The following PARD3B variants were observed in gnomAD, a reference collection of about 807,000 sequenced individuals.
The protein encoded by PARD3B is partitioning defective 3 homolog B.
In PARD3B, 103 loss-of-function variants were observed where a neutral mutation model predicts 130.2. The ratio of observed to expected loss-of-function variants is 0.79; its 90% CI spans 0.67 to 0.93. The LOEUF (loss-of-function observed/expected upper bound fraction) is 0.93, where lower values mean the gene tolerates loss of function less well. PARD3B is among the 40% of genes least tolerant of loss of function. The pLI is 0.00. For synonymous variants in PARD3B, 583 were observed against 553.2 expected (o/e 1.05, Z -0.76); for missense variants, 1,609 against 1,499.2 (o/e 1.07, Z -1.21).
chr2:205,105,293 T>A lies in PARD3B; in HGVS notation c.593+779T>A, dbSNP rs1322543259. 2.0e-5 allele frequency among the ~76,000 whole-genome samples: 3 copies of A among 152,136 alleles called. No individual in the cohort carries two copies. The highest frequency in any genetic ancestry group is 4.4e-5 in the Non-Finnish European group (3 of 67,940). ...GGTTAGGATAAATCCTGTGAGTGTT[T>A]GCTGCTGTTTCTACTACTATCATTA... On this transcript the variant is annotated intron_variant, in intron 5 of 22. Coordinates refer to ENST00000406610, the MANE Select transcript of PARD3B (RefSeq NM_001302769.2). The surrounding 1 kb of genome is among the most constrained non-coding windows in gnomAD (Gnocchi z 4.0).
Position 205,616,947 on chromosome 2 carries a change from A to G in PARD3B, c.*1134A>G, listed in dbSNP as rs900815113. On this transcript the variant is annotated 3_prime_UTR_variant, in exon 23 of 23. Transcript: ENST00000406610. ...TGTGTATGTGTGTGTTCGAACACATATGATTGCCAGTATGGAGAATGAAAG... is the reference window on the plus strand; with the variant it reads ...TGTGTATGTGTGTGTTCGAACACATGTGATTGCCAGTATGGAGAATGAAAG... The G allele has an allele frequency of 5.8e-5, 9 of 154,322 alleles. No individual in the cohort carries two copies. The highest frequency in any genetic ancestry group is 2.2e-4 in the African/African-American group (9 of 41,484). 9.6% of individuals were successfully genotyped at this position (154,322 alleles called of 1,614,324 possible).
intron 21 of PARD3B, among the ~76,000 whole-genome samples, chr2:205,540,670 A>G (rs1429503028): frequency 6.6e-6 from 1 of 152,110 alleles, no homozygotes; most frequent in Non-Finnish European, 1.5e-5. Flanking sequence ...TTCAGGATGC[A>G]AAAATCATTG....
chr2:204,838,785 TA>T (rs1157945017), intron 2 of PARD3B, among the ~76,000 whole-genome samples: 1 of 152,144 alleles, frequency 6.6e-6, no homozygotes, highest in Non-Finnish European at 1.5e-5. Context: ...ATTTGATCTT[TA>T]AAAGTATGAA....
intron 4 of PARD3B, among the ~76,000 whole-genome samples, chr2:205,083,076 T>C (rs900616184): frequency 6.6e-6 from 1 of 151,886 alleles, no homozygotes; most frequent in Non-Finnish European, 1.5e-5. Flanking sequence ...CACACTACCA[T>C]GCCTGGCTAA....
chr2:205,076,411 A>G (rs565987792), intron 4 of PARD3B, among the ~76,000 whole-genome samples: 1 of 152,332 alleles, frequency 6.6e-6, no homozygotes, highest in African/African-American at 2.4e-5. Flanking sequence ...ATTGAGTTCC[A>G]TATCATTTCA....
chr2:205,554,305 T>C (rs1245567636), intron 22 of PARD3B, among the ~76,000 whole-genome samples: 1 of 152,210 alleles, frequency 6.6e-6, no homozygotes, highest in African/African-American at 2.4e-5. Flanking sequence ...ATGGAGTGAC[T>C]GTTTGACATT....
intron 15 of PARD3B, among the ~76,000 whole-genome samples, chr2:205,240,650 A>G (rs2039311687): frequency 6.6e-6 from 1 of 152,178 alleles, no homozygotes; most frequent in Non-Finnish European, 1.5e-5. Context: ...TGATAGCAAT[A>G]TACAATCTTC....
At chr2:205,485,191 C>T (rs930338351) in intron 20 of PARD3B, among the ~76,000 whole-genome samples, 1 of 152,094 alleles carries the variant, frequency 6.6e-6, no homozygotes, top group African/African-American at 2.4e-5. Flanking sequence ...TGTTTTGTTT[C>T]ATTTTAACTT....
At chr2:204,710,310 G>T (rs2038371897) in intron 2 of PARD3B, among the ~76,000 whole-genome samples, 1 of 152,166 alleles carries the variant, frequency 6.6e-6, no homozygotes, top group Admixed American at 6.5e-5. Flanking sequence ...CCTAAGAAAT[G>T]CCGTTTCCAT....
intron 2 of PARD3B, among the ~76,000 whole-genome samples, chr2:204,900,271 C>A (rs924257955): frequency 6.6e-6 from 1 of 152,092 alleles, no homozygotes; most frequent in African/African-American, 2.4e-5. Context: ...AGGGTATTTT[C>A]TAGATCCTGT....
chr2:205,313,186 A>T (rs567556187), intron 18 of PARD3B, among the ~76,000 whole-genome samples: 1 of 152,120 alleles, frequency 6.6e-6, no homozygotes, highest in Non-Finnish European at 1.5e-5. Flanking sequence ...CACATTTAGG[A>T]TTGTTTGGTT....
At chr2:205,096,939 G>C (rs1002669589) in intron 4 of PARD3B, among the ~76,000 whole-genome samples, 1 of 152,044 alleles carries the variant, frequency 6.6e-6, no homozygotes, top group African/African-American at 2.4e-5. Flanking sequence ...TCCTTACCCT[G>C]TTTGCCTGAA....
At chr2:204,697,579 T>C (rs182541259) in intron 2 of PARD3B, among the ~76,000 whole-genome samples, 1 of 152,086 alleles carries the variant, frequency 6.6e-6, no homozygotes, top group Non-Finnish European at 1.5e-5. Flanking sequence ...TCTTTTAGTT[T>C]TGCAGTTTGA....
chr2:205,008,316 A>G lies in PARD3B; in HGVS notation c.395-39265A>G, dbSNP rs559650057. ...TTTTTTTTTTTTTTTAATTGAAAGG[A>G]GTAGACTTTTCACTTAAAAACCAAC... On this transcript the variant is annotated intron_variant, in intron 3 of 22. Transcript: ENST00000406610. Among the ~76,000 whole-genome samples, 218 of 150,266 alleles carry G rather than the reference A, an allele frequency of 1.5e-3. 1 individual carries two copies. The highest frequency in any genetic ancestry group is 0.014 in the Middle Eastern group (4 of 292).
chr2:205,462,162 G>A (rs899513080), intron 20 of PARD3B, among the ~76,000 whole-genome samples: 1 of 152,166 alleles, frequency 6.6e-6, no homozygotes, highest in Non-Finnish European at 1.5e-5. Context: ...GTTGAAAGAC[G>A]TTCTGGGAGA....
At chr2:204,573,081 G>A (rs1343505128) in intron 1 of PARD3B, among the ~76,000 whole-genome samples, 1 of 152,170 alleles carries the variant, frequency 6.6e-6, no homozygotes, top group East Asian at 1.9e-4. Context: ...AGCTCAACTT[G>A]GCTGGTGGCT....
intron 3 of PARD3B, among the ~76,000 whole-genome samples, chr2:205,042,547 G>A (rs1474724969): frequency 6.6e-6 from 1 of 151,890 alleles, no homozygotes; most frequent in Non-Finnish European, 1.5e-5. Flanking sequence ...TACCCAATCA[G>A]GGACTCTTCT....
chr2:204,992,134 G>A (rs1220891667), intron 3 of PARD3B, among the ~76,000 whole-genome samples: 4 of 151,162 alleles, frequency 2.6e-5, no homozygotes, highest in South Asian at 2.1e-4. Context: ...TTGGTGTTTT[G>A]GACATGAAGT....
At chr2:204,903,879 A>G (rs2046953895) in intron 2 of PARD3B, among the ~76,000 whole-genome samples, 1 of 152,116 alleles carries the variant, frequency 6.6e-6, no homozygotes, top group South Asian at 2.1e-4. Flanking sequence ...TAGATGACCA[A>G]CCTCTACTCA....
Sources: gnomAD v4.1 joint callset for allele counts (sites outside exome capture counted in the v4.1 genomes callset) on GRCh38, gnomAD v4.1.1 for gene constraint, Gnocchi (gnomAD v3.1) non-coding constraint, MANE v1.5 for transcripts, NCBI Gene and HGNC (gene_info 2026-07-23, HGNC 2026-07-21) for gene names.